Variants in MICAL2 observed in about 807,000 individuals in gnomAD.
The protein encoded by MICAL2 is microtubule associated monooxygenase, calponin and LIM domain containing 2.
Under a neutral mutation model 127.3 loss-of-function variants are expected in MICAL2, and 77 were observed. The observed-to-expected ratio is 0.60, with a 90% confidence interval of 0.50 to 0.73. MICAL2 has a LOEUF of 0.73. Among genes scored for constraint, MICAL2 ranks in the 30% least tolerant of loss-of-function variants. The probability of loss-of-function intolerance (pLI) is 0.00; values close to 1 mark genes in which losing one functional copy is unlikely to be tolerated. For missense variants in MICAL2, 1,351 were observed against 1,434.4 expected (o/e 0.94, Z 0.94); for synonymous variants, 570 against 551.1 (o/e 1.03, Z -0.48).
At chr11:12,198,444 C>A (rs529697634) in intron 3 of MICAL2, among the ~76,000 whole-genome samples, 1 of 152,238 alleles carries the variant, frequency 6.6e-6, no homozygotes, top group Non-Finnish European at 1.5e-5. Flanking sequence ...CCAACACACA[C>A]ATTCTGGCAG....
intron 2 of MICAL2, among the ~76,000 whole-genome samples, chr11:12,285,548 G>A (rs1863817339): frequency 6.6e-6 from 1 of 152,236 alleles, no homozygotes; most frequent in Non-Finnish European, 1.5e-5. Context: ...ACAGGGTGGA[G>A]GTTAGAAGCA....
chr11:12,245,356 A>G (rs1355590981), intron 21 of MICAL2, among the ~76,000 whole-genome samples: 1 of 152,220 alleles, frequency 6.6e-6, no homozygotes, highest in East Asian at 1.9e-4. Context: ...CTGATGCACA[A>G]ACCAGCTCCA....
chr11:12,132,136 C>T (rs1410979486), intron 1 of MICAL2, among the ~76,000 whole-genome samples: 7 of 152,212 alleles, frequency 4.6e-5, no homozygotes, highest in Non-Finnish European at 1.5e-5. Context: ...CCTACCACCT[C>T]TGCTTCCTGA....
At chr11:12,225,956 C>T (rs549505435) in intron 13 of MICAL2, among the ~76,000 whole-genome samples, 46 of 152,158 alleles carry the variant, frequency 3.0e-4, no homozygotes, top group South Asian at 8.3e-4. Context: ...GCAGCAATAA[C>T]GTCATCATGG....
chr11:12,312,895 T>G (rs1470683793), intron 29 of MICAL2, among the ~76,000 whole-genome samples: 1 of 152,044 alleles, frequency 6.6e-6, no homozygotes, highest in Non-Finnish European at 1.5e-5. Context: ...GGCCGGGCGC[T>G]GTGGCTCACG....
chr11:12,340,248 T>C (rs537916085), intron 32 of MICAL2, among the ~76,000 whole-genome samples: 138 of 152,284 alleles, frequency 9.1e-4, no homozygotes, highest in South Asian at 1.9e-3. Flanking sequence ...ACAAATGACA[T>C]AAATATTCTC....
At chr11:12,184,600 C>G (rs938260436) in intron 3 of MICAL2, among the ~76,000 whole-genome samples, 2 of 152,180 alleles carry the variant, frequency 1.3e-5, no homozygotes, top group African/African-American at 4.8e-5. Context: ...AAATAAATTC[C>G]CAATACAGTA....
At chr11:12,283,898 C>T (rs1003877865) in intron 2 of MICAL2, among the ~76,000 whole-genome samples, 15 of 152,096 alleles carry the variant, frequency 9.9e-5, no homozygotes, top group East Asian at 3.9e-4. Flanking sequence ...GTCAGGGATT[C>T]GTGATAATCT....
At chr11:12,359,334 CAAAAAA>C (rs138650957), downstream of MICAL2, among the ~76,000 whole-genome samples, 10 of 137,372 alleles carry the variant, frequency 7.3e-5, no homozygotes, top group Non-Finnish European at 7.8e-5. Flanking sequence ...TTGATGATGG[CAAAAAA>C]AAAAAAAAAA....
At chr11:12,290,498 A>C (rs1048797473), downstream of MICAL2, among the ~76,000 whole-genome samples, 4 of 137,058 alleles carry the variant, frequency 2.9e-5, no homozygotes, top group African/African-American at 8.6e-5. Flanking sequence ...ATGAGGGTGC[A>C]AGGAGGAAGG....
At chr11:12,149,751 A>G (rs1853365931) in intron 2 of MICAL2, among the ~76,000 whole-genome samples, 1 of 152,142 alleles carries the variant, frequency 6.6e-6, no homozygotes, top group Admixed American at 6.5e-5. Context: ...AGGTCTCTAT[A>G]AGATAGTGAG....
At chr11:12,294,235 C>G (rs1863944087), downstream of MICAL2, 1 of 1,614,130 alleles carries the variant, frequency 6.2e-7, no homozygotes, top group East Asian at 2.2e-5. Flanking sequence ...CACCCAAGTC[C>G]CCACTGCGGC....
chr11:12,157,548 A>G (rs140125883), intron 2 of MICAL2, among the ~76,000 whole-genome samples: 1 of 152,272 alleles, frequency 6.6e-6, no homozygotes, highest in African/African-American at 2.4e-5. Flanking sequence ...AAAGCATCAC[A>G]TCTTGTTTCT....
intron 18 of MICAL2, among the ~76,000 whole-genome samples, chr11:12,241,432 A>G (rs1386125204): frequency 6.6e-6 from 1 of 152,250 alleles, no homozygotes; most frequent in Non-Finnish European, 1.5e-5. Flanking sequence ...ACTGTACCAC[A>G]GGGTATTTTG....
chr11:12,333,344 G>GCTAAAAA (rs1938685432), intron 32 of MICAL2, among the ~76,000 whole-genome samples: 1 of 132,396 alleles, frequency 7.6e-6, no homozygotes, highest in African/African-American at 2.6e-5. Flanking sequence ...ACATCCATTT[G>GCTAAAAA]CTAAAAACTT....
intron 2 of MICAL2, among the ~76,000 whole-genome samples, chr11:12,148,057 C>T (rs530415503): frequency 6.6e-6 from 1 of 152,274 alleles, no homozygotes; most frequent in Admixed American, 6.5e-5. Context: ...AAGATCCCGC[C>T]CTGGTACCAC....
intron 16 of MICAL2, among the ~76,000 whole-genome samples, chr11:12,238,419 TA>T (rs1405524584): frequency 3.2e-4 from 48 of 152,324 alleles, no homozygotes; most frequent in African/African-American, 1.1e-3. Flanking sequence ...CATCACCACT[TA>T]TAAGTCACGT....
At chr11:12,192,245 T>C (rs1859278702) in intron 3 of MICAL2, among the ~76,000 whole-genome samples, 1 of 152,176 alleles carries the variant, frequency 6.6e-6, no homozygotes, top group South Asian at 2.1e-4. Flanking sequence ...CAAGTGCAGG[T>C]GGGCAGGGCA....
At chr11:12,250,395 C>T (rs1038279502) in intron 22 of MICAL2, 2 of 152,176 alleles carry the variant, frequency 1.3e-5, no homozygotes, top group East Asian at 1.9e-4. Flanking sequence ...TCCCAATGGC[C>T]GTGCTTTGGA....
Sources: gnomAD v4.1 joint callset for allele counts (sites outside exome capture counted in the v4.1 genomes callset) on GRCh38, gnomAD v4.1.1 for gene constraint, MANE v1.5 for transcripts, NCBI Gene and HGNC (gene_info 2026-07-23, HGNC 2026-07-21) for gene names.